SMYD4: variants seen among roughly 807,000 people sequenced by gnomAD.
SMYD4 encodes the protein protein-lysine N-methyltransferase SMYD4.
In SMYD4, 68 loss-of-function variants were observed where a neutral mutation model predicts 72.8. That is an observed-to-expected ratio of 0.93 (90% CI 0.77 to 1.14). The LOEUF is 1.14. Among genes scored for constraint, SMYD4 ranks in the 50% most tolerant of loss-of-function variants. SMYD4 has a pLI of 0.00. For synonymous variants in SMYD4, 407 were observed against 388.6 expected (o/e 1.05, Z -0.56); for missense variants, 984 against 1,003.7 (o/e 0.98, Z 0.27).
intron 8 of SMYD4, chr17:1,783,919 C>T (rs560835446): frequency 1.7e-4 from 49 of 286,698 alleles, no homozygotes; most frequent in African/African-American, 8.9e-4. Flanking sequence ...GCTGGGCTCA[C>T]GCCCCACTGC....
chr17:1,819,752 T>C (rs576926008), intron 2 of SMYD4, among the ~76,000 whole-genome samples: 1 of 152,340 alleles, frequency 6.6e-6, no homozygotes, highest in South Asian at 2.1e-4. Context: ...ACTTGTTTCA[T>C]GTGAGCAATA....
At chr17:1,782,877 CG>C in intron 10 of SMYD4, 157 bp downstream of exon 10, 4 of 1,189,098 alleles carry the variant, frequency 3.4e-6, no homozygotes, top group Non-Finnish European at 4.6e-6. Flanking sequence ...AATTCTAAAG[CG>C]TTATGTTTGT....
At chr17:1,790,406 A>C (rs748988047) in intron 5 of SMYD4, among the ~76,000 whole-genome samples, 36 of 152,234 alleles carry the variant, frequency 2.4e-4, no homozygotes, top group Non-Finnish European at 4.1e-4. Context: ...GAAAGTGAGA[A>C]TATGTATGTA....
At chr17:1,806,424 G>A (rs1448028371) in intron 3 of SMYD4, among the ~76,000 whole-genome samples, 1 of 152,154 alleles carries the variant, frequency 6.6e-6, no homozygotes, top group Non-Finnish European at 1.5e-5. Context: ...TATAGGCAAA[G>A]AGCTAATTTC....
chr17:1,792,431 G>A (rs1447290805), intron 5 of SMYD4, among the ~76,000 whole-genome samples: 3 of 152,032 alleles, frequency 2.0e-5, no homozygotes, highest in African/African-American at 7.2e-5. Flanking sequence ...GGCGGATCAC[G>A]AGGTCAGGAG....
chr17:1,795,411 CTATCTATCTAT>C (rs1909342481), intron 5 of SMYD4, among the ~76,000 whole-genome samples: 1 of 14,680 alleles, frequency 6.8e-5, no homozygotes. Flanking sequence ...TCAGCTCTAT[CTATCTATCTAT>C]CTATCTATCT....
In SMYD4 at chr17:1,784,388, CGA is replaced by C. The variant is rs1415223849; in HGVS notation, c.1956_1957del (p.Arg653ValfsTer19). 1.6e-5 allele frequency: 26 copies of C among 1,614,122 alleles called. No homozygotes were observed. The highest frequency in any genetic ancestry group is 2.7e-5 in the African/African-American group (2 of 74,938). ...GACCTGCTGCTGTAGGTCCTGTAAC[CGA>C]GAGACCAGGTGGTCCCTGCTGACGG... On this transcript the variant is annotated frameshift_variant, in exon 8 of 11. Transcript: ENST00000305513. LOFTEE classifies it high-confidence loss of function.
At position 1,829,873 on chromosome 17, in the gene SMYD4, C is replaced by T. The variant is rs17338508; in HGVS notation, c.-160G>A. ...TCCGCCCCGCACCGCGTCCGGCGTCCCGCGCCAGGCCTCGCTTGGGACCAT... is the reference window on the plus strand; with the variant it reads ...TCCGCCCCGCACCGCGTCCGGCGTCTCGCGCCAGGCCTCGCTTGGGACCAT... On this transcript the variant is annotated 5_prime_UTR_variant, in exon 1 of 11. Transcript: ENST00000305513. The T allele has an allele frequency of 5.4e-3, 2,039 of 378,640 alleles. 42 individuals are homozygous for T. Among genetic ancestry groups the T allele is most frequent in the African/African-American group, 0.039 (1,839 of 47,312 alleles). 23.5% of individuals were successfully genotyped at this position (378,640 alleles called of 1,614,324 possible). A position where few individuals can be genotyped will look rare whatever the true frequency, so the allele number is the denominator to read the frequency against.
At chr17:1,815,954 C>T (rs1346422782) in intron 2 of SMYD4, among the ~76,000 whole-genome samples, 3 of 152,200 alleles carry the variant, frequency 2.0e-5, no homozygotes, top group Admixed American at 6.6e-5. Flanking sequence ...CCCGCCTTGG[C>T]CTCCCAAAGT....
intron 2 of SMYD4, among the ~76,000 whole-genome samples, chr17:1,817,673 T>G (rs1341035997): frequency 1.3e-5 from 2 of 152,142 alleles, no homozygotes; most frequent in Non-Finnish European, 2.9e-5. Flanking sequence ...AGTTTATTTT[T>G]TTTGTTGTTG....
chr17:1,824,833 T>C (rs1216963261), intron 2 of SMYD4, among the ~76,000 whole-genome samples: 2 of 151,968 alleles, frequency 1.3e-5, no homozygotes, highest in African/African-American at 4.8e-5. Context: ...CCATGTTGGC[T>C]GGGCTGGTCC....
At position 1,789,203 on chromosome 17, in the gene SMYD4, A is replaced by C. The variant is rs897102554; in HGVS notation, c.1538-1599T>G. Among the ~76,000 whole-genome samples, 3 of 149,508 alleles carry C rather than the reference A, an allele frequency of 2.0e-5. No homozygotes were observed. In the South Asian group the frequency reaches 6.3e-4, roughly 32 times the overall value. The stretch of plus-strand genomic sequence containing the variant: ...AGAAGTTCGAGAGTAGCCTGGCCAA[A>C]ATGGCAAAACCCTGTCTCTACTAAA... On this transcript the variant is annotated intron_variant, in intron 5 of 10. Transcript: ENST00000305513.
At chr17:1,819,582 G>A (rs1910792974) in intron 2 of SMYD4, among the ~76,000 whole-genome samples, 1 of 152,122 alleles carries the variant, frequency 6.6e-6, no homozygotes, top group Non-Finnish European at 1.5e-5. Flanking sequence ...GTTTCCCAGT[G>A]ATGTTACTTC....
intron 8 of SMYD4, 95 bp from the exon 9 acceptor site, chr17:1,783,571 A>C: frequency 1.3e-6 from 2 of 1,508,188 alleles, no homozygotes; most frequent in South Asian, 1.3e-5. Context: ...AGCTGGGCTG[A>C]ATGTGGAAAT....
At chr17:1,782,911 C>A in intron 10 of SMYD4, 124 bp downstream of exon 10, 1 of 1,418,864 alleles carries the variant, frequency 7.0e-7, no homozygotes, top group South Asian at 1.5e-5. Context: ...AGGCAAAGAT[C>A]TCTCCTAAAG....
intron 3 of SMYD4, 96 bp downstream of exon 3, chr17:1,811,875 T>G: frequency 1.3e-4 from 173 of 1,346,390 alleles, no homozygotes; most frequent in Non-Finnish European, 1.5e-4. Flanking sequence ...TGCAGTGAGC[T>G]GAGATTATAC....
intron 5 of SMYD4, among the ~76,000 whole-genome samples, chr17:1,790,027 T>G (rs896655431): frequency 6.6e-6 from 1 of 152,198 alleles, no homozygotes; most frequent in Admixed American, 6.6e-5. Context: ...CTGGTATATG[T>G]GCTAATGAGC....
intron 5 of SMYD4, among the ~76,000 whole-genome samples, chr17:1,798,818 G>C (rs1909542833): frequency 6.6e-6 from 1 of 151,714 alleles, no homozygotes; most frequent in Non-Finnish European, 1.5e-5. Context: ...AGAATCATTT[G>C]AACCTGGGAG....
chr17:1,783,198 T>C (rs1187197735), intron 9 of SMYD4, 40 bp from the exon 10 acceptor site: 7 of 1,613,574 alleles, frequency 4.3e-6, no homozygotes, highest in Middle Eastern at 1.7e-4. Context: ...AAAGAACCAC[T>C]GTCAACTGTG....
Sources: allele counts gnomAD v4.1 joint callset (sites outside exome capture counted in the v4.1 genomes callset), GRCh38; gene constraint gnomAD v4.1.1; transcripts MANE v1.5; gene names NCBI Gene and HGNC (gene_info 2026-07-23, HGNC 2026-07-21).